GLIS3: variants seen among roughly 807,000 people sequenced by gnomAD.
GLIS3 encodes GLIS family zinc finger 3.
GLIS3 carries 53 observed loss-of-function variants against 78.6 expected under a neutral mutation model. The observed-to-expected ratio is 0.67, with a 90% CI of 0.54 to 0.85. GLIS3 has a LOEUF of 0.85. Among genes scored for constraint, GLIS3 ranks in the 40% least tolerant of loss-of-function variants. GLIS3 has a pLI of 0.00. For missense variants in GLIS3, 1,703 were observed against 1,231.1 expected, an observed-to-expected ratio of 1.38 and a Z score of -5.74; for synonymous variants, 684 against 509.9, an observed-to-expected ratio of 1.34 and a Z score of -4.60.
rs1364348186 is a variant in GLIS3 at position 3,993,023 on chromosome 9, TC to T, written c.1711-55835del. ...AGGCCGGCTGCCAGGGTAAATCATA[TC>T]TTTCCTGGCTTTACACGTGAGCCAG... is the stretch of plus-strand genomic sequence containing the variant. On this transcript the variant is annotated intron_variant, in intron 4 of 10. Transcript: ENST00000381971. Among the ~76,000 whole-genome samples, 4 of 152,296 alleles carry T rather than the reference TC, an allele frequency of 2.6e-5. No individual in the cohort carries two copies. In the East Asian group the frequency reaches 7.7e-4, roughly 29 times the overall value.
intron 2 of GLIS3, among the ~76,000 whole-genome samples, chr9:4,233,027 C>T (rs1341778825): frequency 1.3e-5 from 2 of 152,206 alleles, no homozygotes; most frequent in African/African-American, 4.8e-5. Context: ...TACCACCACA[C>T]GACAGCAATG....
intron 4 of GLIS3, among the ~76,000 whole-genome samples, chr9:4,090,759 G>A (rs576369164): frequency 6.6e-6 from 1 of 152,312 alleles, no homozygotes; most frequent in South Asian, 2.1e-4. Context: ...GCTTAAGCAC[G>A]TGAAGTGGTA....
At chr9:4,422,208 A>T in the GLIS3 span, among the ~76,000 whole-genome samples, 1 of 152,300 alleles carries the variant, frequency 6.6e-6, no homozygotes, top group African/African-American at 2.4e-5. Flanking sequence ...TGATGATTGT[A>T]TTTCAGTATA....
intron 2 of GLIS3, among the ~76,000 whole-genome samples, chr9:4,214,522 G>T (rs1167511998): frequency 6.6e-6 from 1 of 152,104 alleles, no homozygotes; most frequent in Non-Finnish European, 1.5e-5. Context: ...GAAACCTTTT[G>T]GTGTCTGCCC....
chr9:4,335,694 A>C (rs938996906), intron 2 of GLIS3, among the ~76,000 whole-genome samples: 1 of 152,126 alleles, frequency 6.6e-6, no homozygotes, highest in Non-Finnish European at 1.5e-5. Flanking sequence ...TTAAACCTGA[A>C]ACATCAGGAT....
the GLIS3 span, among the ~76,000 whole-genome samples, chr9:4,467,931 G>C: frequency 2.0e-5 from 3 of 152,318 alleles, no homozygotes; most frequent in East Asian, 5.8e-4. Context: ...AAACAGCATA[G>C]AGAAGACCTT....
At chr9:4,379,859 T>C in the GLIS3 span, among the ~76,000 whole-genome samples, 1 of 152,218 alleles carries the variant, frequency 6.6e-6, no homozygotes, top group Non-Finnish European at 1.5e-5. Flanking sequence ...TCATATTATA[T>C]TGCAAAGAAT....
intron 4 of GLIS3, among the ~76,000 whole-genome samples, chr9:3,979,506 G>A (rs1191549914): frequency 1.3e-5 from 2 of 152,216 alleles, no homozygotes; most frequent in African/African-American, 4.8e-5. Flanking sequence ...CTCGTTTCAG[G>A]CTATGTGACT....
the GLIS3 span, among the ~76,000 whole-genome samples, chr9:4,463,829 C>T: frequency 6.6e-6 from 1 of 152,174 alleles, no homozygotes; most frequent in African/African-American, 2.4e-5. Flanking sequence ...TGACGTTCAG[C>T]ACTAAGAGTG....
chr9:4,226,323 T>C (rs980434319), intron 2 of GLIS3, among the ~76,000 whole-genome samples: 3 of 152,200 alleles, frequency 2.0e-5, no homozygotes, highest in Admixed American at 6.5e-5. Context: ...TCCGTAAAGA[T>C]AGGTCCATAT....
intron 4 of GLIS3, among the ~76,000 whole-genome samples, chr9:4,102,689 C>T (rs1012864795): frequency 6.6e-6 from 1 of 152,180 alleles, no homozygotes; most frequent in African/African-American, 2.4e-5. Context: ...GATAGTATAT[C>T]TTACTAGAGA....
intron 4 of GLIS3, among the ~76,000 whole-genome samples, chr9:4,042,201 T>A (rs1021460018): frequency 2.0e-5 from 3 of 152,138 alleles, no homozygotes; most frequent in Non-Finnish European, 2.9e-5. Context: ...GTGGAGAGAT[T>A]TGGGTACCAA....
At chr9:3,850,628 C>T (rs1372294959) in intron 9 of GLIS3, among the ~76,000 whole-genome samples, 2 of 152,214 alleles carry the variant, frequency 1.3e-5, no homozygotes, top group East Asian at 1.9e-4. Flanking sequence ...ACACAGCACT[C>T]TACTTGACTT....
intron 2 of GLIS3, among the ~76,000 whole-genome samples, chr9:4,201,376 AAAG>A (rs1193467147): frequency 4.6e-5 from 7 of 152,232 alleles, no homozygotes; most frequent in South Asian, 2.1e-4. Context: ...CCAAATAGAA[AAAG>A]AAGAAGTCAA....
the GLIS3 span, among the ~76,000 whole-genome samples, chr9:4,459,183 C>T: frequency 1.3e-5 from 2 of 152,162 alleles, no homozygotes; most frequent in African/African-American, 4.8e-5. Context: ...GATGATGAAA[C>T]TTGAACCAGG....
chr9:4,421,766 G>C, the GLIS3 span, among the ~76,000 whole-genome samples: 2 of 152,184 alleles, frequency 1.3e-5, no homozygotes, highest in African/African-American at 4.8e-5. Flanking sequence ...TATGTAAAGA[G>C]TACCAACTAT....
At chr9:4,408,366 T>A in the GLIS3 span, among the ~76,000 whole-genome samples, 1 of 150,262 alleles carries the variant, frequency 6.7e-6, no homozygotes, top group Non-Finnish European at 1.5e-5. Context: ...CTGTTCTCTA[T>A]AGAGAATAGA....
intron 2 of GLIS3, among the ~76,000 whole-genome samples, chr9:4,321,453 AAAAAAAAAAAT>A: frequency 6.9e-6 from 1 of 143,974 alleles, no homozygotes; most frequent in East Asian, 2.1e-4. Flanking sequence ...AAAAAAAAAA[AAAAAAAAAAAT>A]CAGGTGCCTA....
the GLIS3 span, among the ~76,000 whole-genome samples, chr9:4,464,045 T>C: frequency 6.2e-3 from 938 of 152,218 alleles, 14 homozygotes; most frequent in African/African-American, 0.021. Flanking sequence ...GTGTAGAACA[T>C]GAGGAGCCTT....
Sources: allele counts gnomAD v4.1 joint callset (sites outside exome capture counted in the v4.1 genomes callset), GRCh38; gene constraint gnomAD v4.1.1; transcripts MANE v1.5; gene names NCBI Gene and HGNC (gene_info 2026-07-23, HGNC 2026-07-21).